Variants in TADA1 observed in about 807,000 individuals in gnomAD.
The protein encoded by TADA1 is transcriptional adapter 1.
Under a neutral mutation model 39.3 loss-of-function variants are expected in TADA1, and 23 were observed. The ratio of observed to expected loss-of-function variants is 0.58; its 90% CI spans 0.42 to 0.83. The LOEUF is 0.83. TADA1 is among the 40% of genes least tolerant of loss of function. TADA1 has a pLI of 0.00. For missense variants in TADA1, 352 were observed against 408.1 expected (o/e 0.86, Z 1.18); for synonymous variants, 137 against 151.8 (o/e 0.90, Z 0.72).
chr1:166,862,879 G>C, intron 4 of TADA1: 1 of 169,902 alleles, frequency 5.9e-6, no homozygotes, highest in South Asian at 1.4e-4. Context: ...ATGCTATGTA[G>C]AGTAACTACT....
intron 3 of TADA1, among the ~76,000 whole-genome samples, chr1:166,867,414 A>G (rs769260129): frequency 3.3e-5 from 5 of 152,172 alleles, no homozygotes; most frequent in Admixed American, 6.5e-5. Context: ...ATTAAATAGC[A>G]CATCAAAAAT....
At chr1:166,874,476 C>T (rs76133557) in intron 1 of TADA1, among the ~76,000 whole-genome samples, 2,124 of 152,148 alleles carry the variant, frequency 0.014, 46 homozygotes, top group African/African-American at 0.043. Context: ...ACATCAATAT[C>T]GAAAGACAAT....
At chr1:166,865,693 C>T (rs1427751847) in intron 3 of TADA1, among the ~76,000 whole-genome samples, 1 of 151,786 alleles carries the variant, frequency 6.6e-6, no homozygotes, top group African/African-American at 2.4e-5. Context: ...GTGGTGGGCA[C>T]CTGTAGTCCC....
At chr1:166,862,598 A>G in intron 4 of TADA1, 186 bp from the exon 5 acceptor site, 3 of 605,088 alleles carry the variant, frequency 5.0e-6, no homozygotes, top group Non-Finnish European at 8.8e-6. Context: ...CAAGGTAATA[A>G]TGAAGACATG....
At chr1:166,861,175 G>A (rs976621291) in intron 5 of TADA1, among the ~76,000 whole-genome samples, 2 of 152,114 alleles carry the variant, frequency 1.3e-5, no homozygotes, top group Non-Finnish European at 2.9e-5. Flanking sequence ...TATAAGAAAA[G>A]GTTGAGGAAG....
intron 5 of TADA1, 29 bp from the exon 6 acceptor site, chr1:166,860,366 T>C (rs1029085645): frequency 6.4e-7 from 1 of 1,568,758 alleles, no homozygotes; most frequent in African/African-American, 1.4e-5. Context: ...AAAAATAGCA[T>C]GATATCCTCT....
chr1:166,876,129 G>T, intron 1 of TADA1, 31 bp downstream of exon 1: 1 of 1,599,158 alleles, frequency 6.3e-7, no homozygotes, highest in Non-Finnish European at 8.5e-7. Context: ...CCCGCGTGTT[G>T]GCCTGGACGC....
In TADA1 at chr1:166,862,422, A is replaced by T. The variant is rs1658437901; in HGVS notation, c.331-10T>A. ...GAGGCTGGAATCTATGCTATGAGTAAGAAAAACTTTTTAAAATTACTCATT... is the reference window on the plus strand; with the variant it reads ...GAGGCTGGAATCTATGCTATGAGTATGAAAAACTTTTTAAAATTACTCATT... On this transcript the variant is annotated splice_polypyrimidine_tract_variant and intron_variant, in intron 4 of 7. Coordinates refer to ENST00000367874, the MANE Select transcript of TADA1 (RefSeq NM_053053.4). 2 of 1,612,420 alleles carry T rather than the reference A, an allele frequency of 1.2e-6. No homozygotes were observed. Among genetic ancestry groups the T allele is most frequent in the Non-Finnish European group, 1.7e-6 (2 of 1,178,874 alleles).
At chr1:166,873,082 CCAACATGGCGAAACCCCGTCT>C (rs140549869) in intron 1 of TADA1, among the ~76,000 whole-genome samples, 4,909 of 152,178 alleles carry the variant, frequency 0.032, 293 homozygotes, top group African/African-American at 0.11. Context: ...ACCAGCCTGG[CCAACATGGCGAAACCCCGTCT>C]CTACTAAAAA....
chr1:166,857,092 A>G lies in TADA1; in HGVS notation c.*475T>C, dbSNP rs1293264340. The G allele has an allele frequency of 6.5e-6, 1 of 154,158 alleles. No homozygotes were observed. Among genetic ancestry groups the G allele is most frequent in the Non-Finnish European group, 1.4e-5 (1 of 69,102 alleles). The allele number at this position is 154,158 out of a possible 1,614,324, so 9.5% of individuals were successfully genotyped here. A position where few individuals can be genotyped will look rare whatever the true frequency, so the allele number is the denominator to read the frequency against. On this transcript the variant is annotated 3_prime_UTR_variant, in exon 8 of 8. Transcript: ENST00000367874. ...AACTGGTCACTAAAGGAGGTATCTG[A>G]TTTTTAACACTGTGTAGGTTATTTC... is the stretch of plus-strand genomic sequence containing the variant.
rs1201100890 is a variant in TADA1, at chr1:166,857,308, A to G, written c.*259T>C. The G allele has an allele frequency of 9.1e-6, 4 of 437,362 alleles. No individual in the cohort carries two copies. The highest frequency in any genetic ancestry group is 3.4e-5 in the South Asian group (1 of 29,078). 27.1% of individuals were successfully genotyped at this position (437,362 alleles called of 1,614,324 possible). On this transcript the variant is annotated 3_prime_UTR_variant, in exon 8 of 8. Transcript: ENST00000367874. ...AGGACACTAAGCCTCAGGTACCTAAATATCTCCATTCCAGGCACAGGATTT... is the reference window on the plus strand; with the variant it reads ...AGGACACTAAGCCTCAGGTACCTAAGTATCTCCATTCCAGGCACAGGATTT...
intron 2 of TADA1, 64 bp downstream of exon 2, chr1:166,869,699 G>T: frequency 3.2e-5 from 49 of 1,544,590 alleles, no homozygotes; most frequent in Non-Finnish European, 4.4e-5. Context: ...AAAGGGAAAA[G>T]ACTTTACTAC....
intron 6 of TADA1, 55 bp from the exon 7 acceptor site, chr1:166,858,336 G>A: frequency 2.9e-6 from 4 of 1,358,420 alleles, no homozygotes; most frequent in Non-Finnish European, 4.0e-6. Context: ...GAGCAACAAG[G>A]ACAGGAGTGG....
rs548267109 is a variant in TADA1 at position 166,866,684 on chromosome 1, T to C, written c.232+2761A>G. ...CAGAATATCAAAGGTTTTTATCTAA[T>C]TAAAATCAGCCACCTGTACTTACGA... On this transcript the variant is annotated intron_variant, in intron 3 of 7. Transcript: ENST00000367874. 2.2e-4 allele frequency among the ~76,000 whole-genome samples: 33 copies of C among 152,302 alleles called. 1 individual carries two copies. The South Asian group carries it at 6.6e-3, about 31-fold the overall frequency.
At chr1:166,874,759 G>C (rs950970204) in intron 1 of TADA1, among the ~76,000 whole-genome samples, 22 of 152,176 alleles carry the variant, frequency 1.4e-4, no homozygotes, top group African/African-American at 5.3e-4. Context: ...TTCGGCCTCT[G>C]CCACAGAGCA....
chr1:166,863,710 C>A, intron 4 of TADA1, 114 bp downstream of exon 4: 1 of 945,008 alleles, frequency 1.1e-6, no homozygotes. Flanking sequence ...AAATCATACT[C>A]CTTTTTTTCA....
rs1296463602 is a variant in TADA1 at position 166,869,430 on chromosome 1, T to G, written c.232+15A>C. On this transcript the variant is annotated intron_variant, in intron 3 of 7. Coordinates refer to ENST00000367874, the MANE Select transcript of TADA1 (RefSeq NM_053053.4). ...TGCTGACTTACACACACTGGAAGTA[T>G]TTCCACTCCCTTACCTGGTGTAGAA... is the stretch of plus-strand genomic sequence containing the variant. 6.2e-7 allele frequency: 1 copy of G among 1,607,554 alleles called. No individual in the cohort carries two copies. Among genetic ancestry groups the G allele is most frequent in the Non-Finnish European group, 8.5e-7 (1 of 1,174,470 alleles).
At chr1:166,863,499 G>A (rs1658462095) in intron 4 of TADA1, among the ~76,000 whole-genome samples, 1 of 152,126 alleles carries the variant, frequency 6.6e-6, no homozygotes, top group African/African-American at 2.4e-5. Context: ...CAGGCTGCCT[G>A]AGCCCTTGAG....
intron 4 of TADA1, chr1:166,862,974 T>C (rs920043485): frequency 2.6e-5 from 4 of 155,266 alleles, no homozygotes; most frequent in Admixed American, 2.5e-4. Context: ...TTTTCATTCA[T>C]AAAATCTCAG....
Sources: gnomAD v4.1 joint callset for allele counts (sites outside exome capture counted in the v4.1 genomes callset) on GRCh38, gnomAD v4.1.1 for gene constraint, MANE v1.5 for transcripts, NCBI Gene and HGNC (gene_info 2026-07-23, HGNC 2026-07-21) for gene names.